SLC2A13: variants seen among roughly 807,000 people sequenced by gnomAD.
The protein encoded by SLC2A13 is proton myo-inositol cotransporter.
Under a neutral mutation model 64.4 loss-of-function variants are expected in SLC2A13, and 32 were observed. The observed-to-expected ratio is 0.50, with a 90% confidence interval of 0.37 to 0.67. SLC2A13 has a LOEUF of 0.67. Among genes scored for constraint, SLC2A13 ranks in the 30% least tolerant of loss-of-function variants. The probability of loss-of-function intolerance (pLI) is 0.00; values close to 1 mark genes in which losing one functional copy is unlikely to be tolerated. For missense variants in SLC2A13, 743 were observed against 829.2 expected, an observed-to-expected ratio of 0.90 and a Z score of 1.28; for synonymous variants, 338 against 327.1, an observed-to-expected ratio of 1.03 and a Z score of -0.36.
chr12:39,960,892 C>T (rs1436566690), intron 3 of SLC2A13, among the ~76,000 whole-genome samples: 3 of 150,224 alleles, frequency 2.0e-5, no homozygotes, highest in African/African-American at 7.4e-5. Context: ...AGATTACAGG[C>T]GCTCGCCACC....
At chr12:40,094,424 C>A (rs1345237737) in intron 1 of SLC2A13, among the ~76,000 whole-genome samples, 1 of 152,064 alleles carries the variant, frequency 6.6e-6, no homozygotes, top group African/African-American at 2.4e-5. Flanking sequence ...GAGGAATCTG[C>A]AAAGGAGATG....
At chr12:39,984,531 A>G (rs2200085) in intron 3 of SLC2A13, among the ~76,000 whole-genome samples, 14,419 of 152,226 alleles carry the variant, frequency 0.095, 809 homozygotes, top group East Asian at 0.2. Context: ...TATACAATAG[A>G]CAAAGTAAAT....
chr12:39,782,011 A>G (rs1433619621), intron 7 of SLC2A13, among the ~76,000 whole-genome samples: 2 of 152,200 alleles, frequency 1.3e-5, no homozygotes, highest in Non-Finnish European at 2.9e-5. Context: ...CCCAACATCT[A>G]GGCTCTATCT....
chr12:40,039,683 T>C (rs1274083388), intron 2 of SLC2A13, among the ~76,000 whole-genome samples: 2 of 152,220 alleles, frequency 1.3e-5, no homozygotes, highest in Non-Finnish European at 2.9e-5. Flanking sequence ...TTTGCTATTA[T>C]CAAAAAATTG....
chr12:39,839,577 C>G (rs984605856), intron 6 of SLC2A13, among the ~76,000 whole-genome samples: 5 of 152,036 alleles, frequency 3.3e-5, no homozygotes, highest in African/African-American at 1.2e-4. Flanking sequence ...AATTTTCCCT[C>G]TTTCCTACAA....
At chr12:39,916,648 C>A (rs1945525318) in intron 4 of SLC2A13, among the ~76,000 whole-genome samples, 1 of 152,024 alleles carries the variant, frequency 6.6e-6, no homozygotes, top group African/African-American at 2.4e-5. Flanking sequence ...GCTCACCAGG[C>A]AGCTGAGTAG....
At chr12:40,026,984 G>A (rs1316885983) in intron 3 of SLC2A13, among the ~76,000 whole-genome samples, 1 of 151,978 alleles carries the variant, frequency 6.6e-6, no homozygotes, top group Non-Finnish European at 1.5e-5. Flanking sequence ...GGAGGCCGAG[G>A]CAGGAGAATC....
At chr12:40,084,850 G>T (rs2708453) in intron 1 of SLC2A13, among the ~76,000 whole-genome samples, 18,406 of 151,944 alleles carry the variant, frequency 0.12, 1,220 homozygotes, top group South Asian at 0.23. Flanking sequence ...TTGTATGCTA[G>T]TAAGTTGACA....
At chr12:39,889,737 G>A (rs183600822) in intron 4 of SLC2A13, among the ~76,000 whole-genome samples, 97 of 151,892 alleles carry the variant, frequency 6.4e-4, no homozygotes, top group South Asian at 5.2e-3. Context: ...TCACCATGTT[G>A]GCCAGGATGG....
Position 39,878,698 on chromosome 12 carries a change from A to AAAAATTTGG in SLC2A13, c.1035-6746_1035-6738dup, listed in dbSNP as rs1944259522. Among the ~76,000 whole-genome samples the AAAAATTTGG allele has an allele frequency of 2.0e-5, 3 of 152,268 alleles. No homozygotes were observed. In the South Asian group the frequency reaches 6.2e-4, roughly 31 times the overall value. On this transcript the variant is annotated intron_variant, in intron 4 of 9. Coordinates refer to ENST00000280871, the MANE Select transcript of SLC2A13 (RefSeq NM_052885.4). ...TATATTTATAAGGTAGGCAGAGCATAAAAATTTGGAAAATTTGCAGCCTGG... is the reference window on the plus strand; with the variant it reads ...TATATTTATAAGGTAGGCAGAGCATAAAAATTTGGAAAATTTGGAAAATTTGCAGCCTGG...
chr12:40,068,333 TC>T, intron 1 of SLC2A13: 1 of 410,802 alleles, frequency 2.4e-6, no homozygotes, highest in South Asian at 1.8e-5. Flanking sequence ...TGTAGTATTT[TC>T]CACATGCTGT....
rs1940088766 is a variant in SLC2A13, at chr12:39,760,339, T to C, written c.1721-87A>G. ...GATTACTTGATTTTGACTTTTTTTT[T>C]CTGGTCAGTCATGCATAATCACAGT... is the stretch of plus-strand genomic sequence containing the variant. On this transcript the variant is annotated intron_variant, in intron 9 of 9. Transcript: ENST00000280871. 3 of 1,256,442 alleles carry C rather than the reference T, an allele frequency of 2.4e-6. No individual in the cohort carries two copies. In the South Asian group the frequency reaches 4.4e-5, roughly 18 times the overall value. 77.8% of individuals were successfully genotyped at this position (1,256,442 alleles called of 1,614,324 possible).
At chr12:40,025,333 A>G (rs1347748127) in intron 3 of SLC2A13, among the ~76,000 whole-genome samples, 4 of 152,346 alleles carry the variant, frequency 2.6e-5, no homozygotes, top group African/African-American at 9.6e-5. Flanking sequence ...CACACATCCA[A>G]AAAATAAATT....
chr12:39,797,893 G>A (rs1566801439), intron 7 of SLC2A13, among the ~76,000 whole-genome samples: 1 of 152,170 alleles, frequency 6.6e-6, no homozygotes, highest in Non-Finnish European at 1.5e-5. Flanking sequence ...ATTAGGGGCT[G>A]TGGGAGTCAG....
intron 4 of SLC2A13, chr12:39,907,659 T>C (rs1256226379): frequency 6.6e-6 from 1 of 152,180 alleles, no homozygotes; most frequent in East Asian, 1.9e-4. Flanking sequence ...CCCATTACTT[T>C]GGAAATAGAA....
intron 7 of SLC2A13, among the ~76,000 whole-genome samples, chr12:39,794,986 GTCTCATTCTAA>G (rs1176717371): frequency 1.3e-5 from 2 of 152,122 alleles, no homozygotes; most frequent in South Asian, 2.1e-4. Context: ...CTGTTCAGCA[GTCTCATTCTAA>G]TCTGTTTGGT....
chr12:39,861,259 T>C (rs1592215515), intron 6 of SLC2A13, among the ~76,000 whole-genome samples: 1 of 152,224 alleles, frequency 6.6e-6, no homozygotes, highest in East Asian at 1.9e-4. Context: ...CTGTAATGTT[T>C]ATTGAGTGCT....
chr12:40,048,108 T>C lies in SLC2A13; in HGVS notation c.659A>G (p.Gln220Arg). Residue 220 changes from glutamine to arginine, a missense_variant, in exon 2 of 10, where the codon CAG becomes CGG. Around this residue, in one of 2 missense-constraint regions of SLC2A13, gnomAD observed 448 missense variants for 447.4 expected, o/e 1.00. Transcript: ENST00000280871. ...TCCATCAACAACACTTGCAAAGAAC[T>C]GCCCTCCTGTGATGAAGAGGGTATT... ...TINTLFITGG[Q>R]FFASVVDGAF... 1 of 1,613,608 alleles carries C rather than the reference T, an allele frequency of 6.2e-7. No homozygotes were observed. The highest frequency in any genetic ancestry group is 8.5e-7 in the Non-Finnish European group (1 of 1,179,754).
At chr12:39,954,040 A>G (rs1417854225) in intron 3 of SLC2A13, among the ~76,000 whole-genome samples, 2 of 152,236 alleles carry the variant, frequency 1.3e-5, no homozygotes, top group Admixed American at 6.5e-5. Context: ...AAGACAGAAT[A>G]ATGGCTATCA....
Sources: gnomAD v4.1 joint callset for allele counts (sites outside exome capture counted in the v4.1 genomes callset) on GRCh38, gnomAD v4.1.1 for gene constraint, gnomAD v4.1.1 regional missense constraint, MANE v1.5 for transcripts, NCBI Gene and HGNC (gene_info 2026-07-23, HGNC 2026-07-21) for gene names.